The following KCNU1 variants were observed in gnomAD, a reference collection of about 807,000 sequenced individuals.
KCNU1 encodes the protein potassium channel subfamily U member 1.
In KCNU1, 93 loss-of-function variants were observed where a neutral mutation model predicts 126.8. The observed-to-expected ratio is 0.73, with a 90% CI of 0.62 to 0.87. The LOEUF (loss-of-function observed/expected upper bound fraction) is 0.87. Ranked by LOEUF, KCNU1 falls within the 40% of genes least tolerant of loss-of-function variation. The probability of loss-of-function intolerance (pLI) is 0.00; values close to 1 mark genes in which losing one functional copy is unlikely to be tolerated. For synonymous variants in KCNU1, 523 were observed against 494.2 expected (o/e 1.06, Z -0.77); for missense variants, 1,330 against 1,367.1 (o/e 0.97, Z 0.43).
chr8:36,805,131 G>T, intron 3 of KCNU1, 64 bp from the exon 4 acceptor site: 3 of 1,118,884 alleles, frequency 2.7e-6, no homozygotes, highest in South Asian at 2.8e-5. Context: ...CCCTTTAGTT[G>T]GTCTTATATA....
chr8:36,916,095 A>C (rs1808091196), intron 22 of KCNU1, among the ~76,000 whole-genome samples: 1 of 149,752 alleles, frequency 6.7e-6, no homozygotes, highest in Non-Finnish European at 1.5e-5. Context: ...ACAGGAGGAG[A>C]AGAAGGGAAG....
chr8:36,894,033 T>A (rs899542628), intron 19 of KCNU1, among the ~76,000 whole-genome samples: 2 of 152,106 alleles, frequency 1.3e-5, no homozygotes, highest in Non-Finnish European at 2.9e-5. Flanking sequence ...TATAGATAAT[T>A]CATGAAAAAA....
At chr8:36,882,226 A>G (rs1472537480) in intron 19 of KCNU1, among the ~76,000 whole-genome samples, 1 of 152,170 alleles carries the variant, frequency 6.6e-6, no homozygotes, top group Non-Finnish European at 1.5e-5. Context: ...TTAAAAGTCC[A>G]TATTTACCAA....
chr8:36,806,688 G>A (rs1165706446), intron 5 of KCNU1, among the ~76,000 whole-genome samples: 1 of 152,086 alleles, frequency 6.6e-6, no homozygotes, highest in Non-Finnish European at 1.5e-5. Context: ...CACAGGAGCT[G>A]GGGGAGATGA....
Position 36,840,914 on chromosome 8 carries a change from C to A in KCNU1, c.1632-18C>A. 6.3e-7 allele frequency: 1 copy of A among 1,592,426 alleles called. No individual in the cohort carries two copies. The highest frequency in any genetic ancestry group is 8.6e-7 in the Non-Finnish European group (1 of 1,160,342). On this transcript the variant is annotated intron_variant, in intron 15 of 26. Coordinates refer to ENST00000399881, the MANE Select transcript of KCNU1 (RefSeq NM_001031836.3). ...CTGACCGCTTGCTCTCCTTTTGACTCCTCGTCTTCCTTCCCAGGCTCTGCT... is the reference window on the plus strand; with the variant it reads ...CTGACCGCTTGCTCTCCTTTTGACTACTCGTCTTCCTTCCCAGGCTCTGCT...
chr8:36,856,588 A>T (rs1585467878), intron 18 of KCNU1, among the ~76,000 whole-genome samples: 1 of 126,520 alleles, frequency 7.9e-6, no homozygotes. Context: ...TGGTTTTAGC[A>T]GGGCTCATTT....
intron 10 of KCNU1, among the ~76,000 whole-genome samples, chr8:36,829,964 C>A (rs1804470641): frequency 6.7e-6 from 1 of 150,240 alleles, no homozygotes; most frequent in Non-Finnish European, 1.5e-5. Flanking sequence ...TATATCTAAC[C>A]ACATAAATTT....
intron 2 of KCNU1, among the ~76,000 whole-genome samples, chr8:36,800,672 T>C (rs1803270030): frequency 6.6e-6 from 1 of 152,168 alleles, no homozygotes; most frequent in Admixed American, 6.5e-5. Context: ...CAGATTTTGC[T>C]CCTCCAACCC....
At chr8:36,895,052 T>C in intron 19 of KCNU1, among the ~76,000 whole-genome samples, 1 of 151,922 alleles carries the variant, frequency 6.6e-6, no homozygotes, top group East Asian at 1.9e-4. Context: ...CTACTACACA[T>C]CAGTTTAAGA....
chr8:36,905,864 T>C (rs1807606430), intron 20 of KCNU1, 60 bp downstream of exon 20: 1 of 820,128 alleles, frequency 1.2e-6, no homozygotes, highest in Non-Finnish European at 2.0e-6. Context: ...GGGTAAGTGA[T>C]GTTCTTGTTA....
intron 23 of KCNU1, among the ~76,000 whole-genome samples, chr8:36,921,678 A>G (rs948612169): frequency 8.6e-5 from 13 of 151,482 alleles, no homozygotes; most frequent in East Asian, 1.9e-4. Flanking sequence ...AAAAAAAAAA[A>G]AAGAAGAGTC....
intron 19 of KCNU1, among the ~76,000 whole-genome samples, chr8:36,876,342 C>A (rs1033004858): frequency 6.6e-6 from 1 of 152,096 alleles, no homozygotes; most frequent in Non-Finnish European, 1.5e-5. Flanking sequence ...GACAAGGAAC[C>A]ATCCTGGGTG....
intron 11 of KCNU1, 121 bp downstream of exon 11, chr8:36,833,780 C>A: frequency 1.8e-6 from 1 of 570,296 alleles, no homozygotes; most frequent in Non-Finnish European, 3.2e-6. Context: ...GAAAATATAA[C>A]TTCCTCAACT....
At chr8:36,807,024 A>C (rs1803526238) in intron 5 of KCNU1, among the ~76,000 whole-genome samples, 2 of 152,218 alleles carry the variant, frequency 1.3e-5, no homozygotes, top group African/African-American at 4.8e-5. Flanking sequence ...AGAAGAGTTA[A>C]ATAGAGTAAA....
intron 2 of KCNU1, among the ~76,000 whole-genome samples, chr8:36,789,088 G>A (rs1453474066): frequency 6.6e-6 from 1 of 152,172 alleles, no homozygotes; most frequent in East Asian, 1.9e-4. Flanking sequence ...CGGGTGCAGT[G>A]GCTCATGCCT....
At chr8:36,795,310 T>G (rs1371076895) in intron 2 of KCNU1, 1 of 152,372 alleles carries the variant, frequency 6.6e-6, no homozygotes, top group African/African-American at 2.4e-5. Flanking sequence ...ACTTGGCACT[T>G]TCTCTTAATC....
At chr8:36,829,476 A>T (rs1804450193) in intron 10 of KCNU1, among the ~76,000 whole-genome samples, 1 of 151,804 alleles carries the variant, frequency 6.6e-6, no homozygotes, top group African/African-American at 2.4e-5. Context: ...GACAATTTGT[A>T]TAATTTTCTA....
At chr8:36,823,723 G>A (rs1023156108) in intron 10 of KCNU1, among the ~76,000 whole-genome samples, 1 of 151,768 alleles carries the variant, frequency 6.6e-6, no homozygotes, top group Non-Finnish European at 1.5e-5. Flanking sequence ...AACAAAAGTT[G>A]AGTGAGAAAT....
In KCNU1 at chr8:36,840,335, G is replaced by A. The variant is rs982491854; in HGVS notation, c.1519-128G>A. 50 of 598,848 alleles carry A rather than the reference G, an allele frequency of 8.3e-5. No homozygotes were observed. The African/African-American group carries it at 9.0e-4, about 11-fold the overall frequency. The allele number at this position is 598,848 out of a possible 1,614,324, so 37.1% of individuals were successfully genotyped here. ...TAACATTTCTCTAGTTAAGCACTAA[G>A]ATAAATCTCTTTTTTATGACTTACA... On this transcript the variant is annotated intron_variant, in intron 14 of 26. Transcript: ENST00000399881.
Sources: gnomAD v4.1 joint callset for allele counts (sites outside exome capture counted in the v4.1 genomes callset) on GRCh38, gnomAD v4.1.1 for gene constraint, MANE v1.5 for transcripts, NCBI Gene and HGNC (gene_info 2026-07-23, HGNC 2026-07-21) for gene names.